TMEM132C: variants seen among roughly 807,000 people sequenced by gnomAD.
TMEM132C encodes the protein transmembrane protein 132C.
TMEM132C carries 29 observed loss-of-function variants against 61.4 expected under a neutral mutation model. The ratio of observed to expected loss-of-function variants is 0.47; its 90% confidence interval spans 0.35 to 0.64. TMEM132C has a LOEUF of 0.64. Among genes scored for constraint, TMEM132C ranks in the 30% least tolerant of loss-of-function variants. The pLI, the probability that TMEM132C is intolerant of heterozygous loss-of-function variation, is 0.00. For synonymous variants in TMEM132C, 656 were observed against 633.1 expected, an observed-to-expected ratio of 1.04 and a Z score of -0.54; for missense variants, 1,408 against 1,476.9, an observed-to-expected ratio of 0.95 and a Z score of 0.76.
At chr12:128,329,922 C>T (rs1872628508) in intron 1 of TMEM132C, among the ~76,000 whole-genome samples, 1 of 152,278 alleles carries the variant, frequency 6.6e-6, no homozygotes, top group African/African-American at 2.4e-5. Context: ...AATACGGCTG[C>T]GAGGAAGTTC....
chr12:128,672,945 ACCCCGAGG>A (rs1954546766), intron 5 of TMEM132C, among the ~76,000 whole-genome samples: 1 of 152,124 alleles, frequency 6.6e-6, no homozygotes, highest in Non-Finnish European at 1.5e-5. Context: ...AAGACACAAG[ACCCCGAGG>A]TCAGAGACAA....
chr12:128,466,015 G>A (rs1485241270), intron 2 of TMEM132C, among the ~76,000 whole-genome samples: 7 of 151,776 alleles, frequency 4.6e-5, no homozygotes, highest in Non-Finnish European at 1.0e-4. Context: ...ATGAAAATAA[G>A]GTATTTTTGA....
intron 4 of TMEM132C, among the ~76,000 whole-genome samples, chr12:128,642,936 A>C (rs1198843542): frequency 6.6e-6 from 1 of 152,174 alleles, no homozygotes; most frequent in Non-Finnish European, 1.5e-5. Context: ...GCAGAGACTG[A>C]GGAGAGTTTT....
At chr12:128,599,668 T>C (rs1876099629) in intron 3 of TMEM132C, among the ~76,000 whole-genome samples, 1 of 152,080 alleles carries the variant, frequency 6.6e-6, no homozygotes, top group Admixed American at 6.5e-5. Context: ...AAAAGGAAGG[T>C]TTTTTAAAAA....
At chr12:128,276,982 A>G (rs938101734) in intron 1 of TMEM132C, among the ~76,000 whole-genome samples, 5 of 152,164 alleles carry the variant, frequency 3.3e-5, no homozygotes, top group African/African-American at 7.2e-5. Flanking sequence ...GACAAAACAA[A>G]CAAACAAAAA....
chr12:128,485,276 AAGCAATTCTCCTGCCTC>A (rs1226241430), intron 2 of TMEM132C, among the ~76,000 whole-genome samples: 1 of 152,174 alleles, frequency 6.6e-6, no homozygotes, highest in African/African-American at 2.4e-5. Flanking sequence ...TCGCAGGTTC[AAGCAATTCTCCTGCCTC>A]AGCCTCCCGA....
intron 8 of TMEM132C, 63 bp from the exon 9 acceptor site, chr12:128,705,027 G>T: frequency 6.9e-7 from 1 of 1,456,560 alleles, no homozygotes; most frequent in Non-Finnish European, 9.1e-7. Flanking sequence ...GTCCTCCTAG[G>T]AGGGGGTTTC....
chr12:128,583,742 C>T (rs1051121804), intron 3 of TMEM132C, among the ~76,000 whole-genome samples: 3 of 152,326 alleles, frequency 2.0e-5, no homozygotes, highest in Non-Finnish European at 4.4e-5. Context: ...ACACAGCAGC[C>T]GCCCCCCGCC....
chr12:128,320,525 G>A (rs2095793359), intron 1 of TMEM132C, among the ~76,000 whole-genome samples: 1 of 152,158 alleles, frequency 6.6e-6, no homozygotes, highest in African/African-American at 2.4e-5. Context: ...CAACACTTAG[G>A]TAGGCCAAGG....
chr12:128,331,607 T>A (rs1872667765), intron 1 of TMEM132C, among the ~76,000 whole-genome samples: 1 of 152,240 alleles, frequency 6.6e-6, no homozygotes, highest in Non-Finnish European at 1.5e-5. Flanking sequence ...TCATTCTTTT[T>A]AATGGCTGAG....
chr12:128,273,192 A>G (rs933936520), intron 1 of TMEM132C, among the ~76,000 whole-genome samples: 6 of 152,024 alleles, frequency 3.9e-5, no homozygotes, highest in African/African-American at 9.7e-5. Context: ...TCTGTTTTTT[A>G]TTTTAGCTCT....
At chr12:128,515,060 C>T (rs1018803883) in intron 2 of TMEM132C, among the ~76,000 whole-genome samples, 7 of 152,194 alleles carry the variant, frequency 4.6e-5, no homozygotes, top group South Asian at 2.1e-4. Flanking sequence ...GGAGATAACT[C>T]GATCCCTAGC....
chr12:128,609,054 G>A (rs1384686107), intron 3 of TMEM132C, among the ~76,000 whole-genome samples: 1 of 152,024 alleles, frequency 6.6e-6, no homozygotes, highest in Non-Finnish European at 1.5e-5. Flanking sequence ...TGTCATCCAG[G>A]CTGCAGTGCA....
chr12:128,544,948 G>A (rs1873896693), intron 3 of TMEM132C, among the ~76,000 whole-genome samples: 1 of 152,126 alleles, frequency 6.6e-6, no homozygotes, highest in African/African-American at 2.4e-5. Context: ...TACCATTTAG[G>A]TTGATTCCAA....
chr12:128,493,834 C>T (rs973646633), intron 2 of TMEM132C, among the ~76,000 whole-genome samples: 4 of 152,190 alleles, frequency 2.6e-5, no homozygotes, highest in Admixed American at 6.5e-5. Context: ...AATTGAATAC[C>T]CTTTATTTCT....
intron 5 of TMEM132C, among the ~76,000 whole-genome samples, chr12:128,688,967 T>G (rs528189860): frequency 4.3e-4 from 65 of 151,158 alleles, no homozygotes; most frequent in Non-Finnish European, 8.6e-4. Flanking sequence ...CTAGTTGTTG[T>G]TTTTTTTGTT....
intron 3 of TMEM132C, among the ~76,000 whole-genome samples, chr12:128,611,473 C>G (rs550777032): frequency 6.6e-6 from 1 of 152,240 alleles, no homozygotes; most frequent in East Asian, 1.9e-4. Flanking sequence ...ATGTCTGGGG[C>G]GGGAGCGGGG....
intron 1 of TMEM132C, among the ~76,000 whole-genome samples, chr12:128,329,205 G>A (rs750272353): frequency 1.8e-4 from 27 of 152,270 alleles, no homozygotes; most frequent in Middle Eastern, 3.4e-3. Context: ...CTTAAAGACC[G>A]CAATACGGTT....
intron 2 of TMEM132C, among the ~76,000 whole-genome samples, chr12:128,425,220 C>T (rs1424232241): frequency 6.6e-6 from 1 of 152,268 alleles, no homozygotes; most frequent in African/African-American, 2.4e-5. Context: ...GATGCAGACG[C>T]AGTTCTGATG....
Sources: allele counts gnomAD v4.1 joint callset (sites outside exome capture counted in the v4.1 genomes callset), GRCh38; gene constraint gnomAD v4.1.1; transcripts MANE v1.5; gene names NCBI Gene and HGNC (gene_info 2026-07-23, HGNC 2026-07-21).